The following TMED3 variants were observed in gnomAD, a reference collection of about 807,000 sequenced individuals.
TMED3 encodes transmembrane emp24 domain-containing protein 3.
Under a neutral mutation model 15.0 loss-of-function variants are expected in TMED3, and 9 were observed. The ratio of observed to expected loss-of-function variants is 0.60; its 90% confidence interval spans 0.36 to 1.04. TMED3 has a LOEUF of 1.04. TMED3 is among the 50% of genes least tolerant of loss of function. TMED3 has a pLI of 0.01. For missense variants in TMED3, 267 were observed against 278.9 expected (o/e 0.96, Z 0.30); for synonymous variants, 117 against 121.4 (o/e 0.96, Z 0.24).
At position 79,322,830 on chromosome 15, in the gene TMED3, G is replaced by C; in HGVS notation, c.*616G>C. The C allele has an allele frequency of 1.0e-6, 1 of 985,610 alleles. No individual in the cohort carries two copies. Among genetic ancestry groups the C allele is most frequent in the Non-Finnish European group, 1.2e-6 (1 of 830,130 alleles). 61.1% of individuals were successfully genotyped at this position (985,610 alleles called of 1,614,324 possible). On this transcript the variant is annotated 3_prime_UTR_variant, in exon 3 of 3. Transcript: ENST00000299705. ...GGAAACTGTGGCTAATAAAAACTAA[G>C]TGTGAGCGTCCTGGAGACTTGTGCC...
intron 2 of TMED3, among the ~76,000 whole-genome samples, chr15:79,398,554 A>C (rs972724691): frequency 6.8e-6 from 1 of 146,738 alleles, no homozygotes; most frequent in Non-Finnish European, 1.5e-5. Context: ...GAGAACGGGA[A>C]GCTGTGAGAA....
intron 2 of TMED3, among the ~76,000 whole-genome samples, chr15:79,386,563 A>T (rs1893628359): frequency 4.6e-5 from 7 of 152,122 alleles, no homozygotes; most frequent in Admixed American, 4.6e-4. Context: ...TATTTTCAAG[A>T]TGGAGTCTCA....
At chr15:79,375,072 A>G (rs1893401752) in intron 2 of TMED3, among the ~76,000 whole-genome samples, 1 of 152,224 alleles carries the variant, frequency 6.6e-6, no homozygotes, top group Non-Finnish European at 1.5e-5. Flanking sequence ...TCAGAATTCC[A>G]TAAAGTCCTG....
At chr15:79,398,188 G>C (rs980788679) in intron 2 of TMED3, among the ~76,000 whole-genome samples, 1 of 151,870 alleles carries the variant, frequency 6.6e-6, no homozygotes, top group African/African-American at 2.4e-5. Context: ...TTTCTTTACT[G>C]TCTCCATTGC....
At chr15:79,352,597 A>G (rs2058895198) in intron 2 of TMED3, among the ~76,000 whole-genome samples, 1 of 151,544 alleles carries the variant, frequency 6.6e-6, no homozygotes, top group Non-Finnish European at 1.5e-5. Context: ...TAATTTTGAA[A>G]GACACAAAAT....
chr15:79,391,587 A>G (rs1261434081), intron 2 of TMED3, among the ~76,000 whole-genome samples: 1 of 152,120 alleles, frequency 6.6e-6, no homozygotes, highest in Admixed American at 6.5e-5. Context: ...TGTCAAGCCC[A>G]TTTGTTCAAG....
chr15:79,374,485 T>C (rs1893393524), intron 2 of TMED3, among the ~76,000 whole-genome samples: 1 of 152,220 alleles, frequency 6.6e-6, no homozygotes, highest in Non-Finnish European at 1.5e-5. Flanking sequence ...TTTTGGTTTA[T>C]GTTTGAGACC....
At chr15:79,370,905 C>T (rs1893326602) in intron 2 of TMED3, among the ~76,000 whole-genome samples, 2 of 152,144 alleles carry the variant, frequency 1.3e-5, no homozygotes, top group Non-Finnish European at 2.9e-5. Context: ...ACTTTCATTG[C>T]CTGAATACAC....
At chr15:79,365,795 C>G (rs1893219589) in intron 2 of TMED3, among the ~76,000 whole-genome samples, 1 of 152,192 alleles carries the variant, frequency 6.6e-6, no homozygotes, top group Non-Finnish European at 1.5e-5. Context: ...CCTTTTGGCA[C>G]AGAGATTTGG....
intron 2 of TMED3, among the ~76,000 whole-genome samples, chr15:79,352,549 T>C (rs1322645637): frequency 1.3e-5 from 2 of 151,972 alleles, no homozygotes; most frequent in Admixed American, 6.6e-5. Context: ...GTTTTCTTCC[T>C]GCACTTAAGC....
At chr15:79,360,985 A>C (rs1185338089) in intron 2 of TMED3, among the ~76,000 whole-genome samples, 2 of 111,354 alleles carry the variant, frequency 1.8e-5, no homozygotes, top group Non-Finnish European at 3.8e-5. Context: ...AGCAGTTACA[A>C]CTACAAGTGC....
At chr15:79,353,194 A>C (rs2058901363) in intron 2 of TMED3, among the ~76,000 whole-genome samples, 2 of 92,428 alleles carry the variant, frequency 2.2e-5, no homozygotes, top group African/African-American at 9.1e-5. Context: ...AATATATATA[A>C]TATATAAAAT....
intron 2 of TMED3, among the ~76,000 whole-genome samples, chr15:79,353,262 T>C (rs1400800948): frequency 6.4e-5 from 3 of 47,042 alleles, no homozygotes; most frequent in Non-Finnish European, 1.1e-4. Flanking sequence ...ATAATATATA[T>C]TATATATAAT....
chr15:79,359,864 C>T (rs7183638), intron 2 of TMED3, among the ~76,000 whole-genome samples: 4 of 152,180 alleles, frequency 2.6e-5, no homozygotes, highest in African/African-American at 9.6e-5. Flanking sequence ...CTCCCTTCTT[C>T]TTCTGCCCGT....
At chr15:79,335,907 T>G (rs1442343303) in intron 2 of TMED3, among the ~76,000 whole-genome samples, 1 of 152,192 alleles carries the variant, frequency 6.6e-6, no homozygotes, top group Non-Finnish European at 1.5e-5. Flanking sequence ...TGTGTGGCAT[T>G]TCATTAATCT....
chr15:79,355,584 C>T (rs898125871), intron 2 of TMED3, among the ~76,000 whole-genome samples: 15 of 152,220 alleles, frequency 9.9e-5, no homozygotes, highest in African/African-American at 3.1e-4. Context: ...TCCGACATGG[C>T]TTCACAATTT....
At chr15:79,324,116 A>G (rs971794157), downstream of TMED3, among the ~76,000 whole-genome samples, 11 of 152,016 alleles carry the variant, frequency 7.2e-5, no homozygotes, top group Non-Finnish European at 1.3e-4. Flanking sequence ...TCAGCCTCCC[A>G]AGTAGCTGGG....
At chr15:79,352,344 CCTGGTGAACATTCAAGCCT>C (rs1273831706) in intron 2 of TMED3, among the ~76,000 whole-genome samples, 1 of 152,084 alleles carries the variant, frequency 6.6e-6, no homozygotes, top group Non-Finnish European at 1.5e-5. Flanking sequence ...TGCTCTGGTC[CCTGGTGAACATTCAAGCCT>C]CTGAGCTCAT....
At chr15:79,398,295 A>G (rs1893788370) in intron 2 of TMED3, among the ~76,000 whole-genome samples, 2 of 151,948 alleles carry the variant, frequency 1.3e-5, no homozygotes, top group Admixed American at 1.3e-4. Flanking sequence ...AGATTCCTTC[A>G]TGTCATTTAT....
Sources: allele counts gnomAD v4.1 joint callset (sites outside exome capture counted in the v4.1 genomes callset), GRCh38; gene constraint gnomAD v4.1.1; transcripts MANE v1.5; gene names NCBI Gene and HGNC (gene_info 2026-07-23, HGNC 2026-07-21).